KIZ: variants seen among roughly 807,000 people sequenced by gnomAD.
KIZ encodes the protein centrosomal protein kizuna.
Under a neutral mutation model 79.6 loss-of-function variants are expected in KIZ, and 68 were observed. The observed-to-expected ratio is 0.85, with a 90% confidence interval of 0.70 to 1.05. KIZ has a LOEUF of 1.05. Among genes scored for constraint, KIZ ranks in the 50% least tolerant of loss-of-function variants. The pLI, the probability that KIZ is intolerant of heterozygous loss-of-function variation, is 0.00. For synonymous variants in KIZ, 280 were observed against 281.8 expected (o/e 0.99, Z 0.06); for missense variants, 797 against 800.4 (o/e 1.00, Z 0.05).
intron 9 of KIZ, among the ~76,000 whole-genome samples, chr20:21,223,956 G>A (rs953485310): frequency 6.6e-6 from 1 of 151,930 alleles, no homozygotes; most frequent in Non-Finnish European, 1.5e-5. Context: ...GGGATTACAG[G>A]CGTGAGCCAC....
At chr20:21,216,065 G>A (rs1274993171) in intron 9 of KIZ, among the ~76,000 whole-genome samples, 1 of 152,126 alleles carries the variant, frequency 6.6e-6, no homozygotes, top group Non-Finnish European at 1.5e-5. Context: ...TGTCAGATAG[G>A]AAGCTTGCGT....
chr20:21,142,757 C>T (rs1358451532), intron 3 of KIZ, among the ~76,000 whole-genome samples: 1 of 151,322 alleles, frequency 6.6e-6, no homozygotes, highest in Non-Finnish European at 1.5e-5. Context: ...TGCCACTGCA[C>T]TCCAGCCTGG....
chr20:21,212,367 A>T (rs1340878173), intron 7 of KIZ, among the ~76,000 whole-genome samples: 2 of 152,216 alleles, frequency 1.3e-5, no homozygotes, highest in Non-Finnish European at 2.9e-5. Flanking sequence ...CAGTGGTGTG[A>T]AAGTGTTAGG....
At chr20:21,153,609 C>T (rs2033229349) in intron 4 of KIZ, among the ~76,000 whole-genome samples, 1 of 152,058 alleles carries the variant, frequency 6.6e-6, no homozygotes, top group Non-Finnish European at 1.5e-5. Context: ...TTTGCTAGGG[C>T]TGCCATAACA....
intron 9 of KIZ, among the ~76,000 whole-genome samples, chr20:21,216,491 A>G (rs1422651821): frequency 6.6e-6 from 1 of 152,190 alleles, no homozygotes; most frequent in Admixed American, 6.5e-5. Flanking sequence ...TGTTTCTGTG[A>G]TGAACTCTGG....
chr20:21,216,565 A>C (rs2036302667), intron 9 of KIZ, among the ~76,000 whole-genome samples: 1 of 152,176 alleles, frequency 6.6e-6, no homozygotes, highest in Non-Finnish European at 1.5e-5. Context: ...ATAATATTTC[A>C]CTCTAAAATG....
intron 7 of KIZ, among the ~76,000 whole-genome samples, chr20:21,208,857 T>C (rs2035949891): frequency 6.6e-6 from 1 of 152,178 alleles, no homozygotes; most frequent in Admixed American, 6.5e-5. Context: ...TAGAACTGTT[T>C]TGGTTTGCAT....
intron 11 of KIZ, among the ~76,000 whole-genome samples, chr20:21,235,833 G>A (rs576153793): frequency 6.6e-6 from 1 of 152,372 alleles, no homozygotes; most frequent in South Asian, 2.1e-4. Context: ...CCACCAGAGC[G>A]GCCAGTGGAG....
intron 12 of KIZ, 101 bp downstream of exon 12, chr20:21,244,389 G>A (rs905100813): frequency 1.1e-5 from 9 of 832,224 alleles, no homozygotes; most frequent in African/African-American, 5.1e-5. Context: ...GTCCTGAAGC[G>A]GGCATGCTCA....
At chr20:21,148,730 A>G (rs957760753) in intron 4 of KIZ, 1 of 152,224 alleles carries the variant, frequency 6.6e-6, no homozygotes, top group African/African-American at 2.4e-5. Flanking sequence ...ATGACAGTAT[A>G]CATTTGGGGA....
At chr20:21,153,338 A>G (rs2033213987) in intron 4 of KIZ, among the ~76,000 whole-genome samples, 1 of 152,168 alleles carries the variant, frequency 6.6e-6, no homozygotes, top group South Asian at 2.1e-4. Flanking sequence ...CTACCTATGA[A>G]TTGAAGAAAT....
In KIZ at chr20:21,176,467, A is replaced by T. The variant is rs2034438400; in HGVS notation, c.1352+13308A>T. Among the ~76,000 whole-genome samples, 4 of 151,612 alleles carry T rather than the reference A, an allele frequency of 2.6e-5. No homozygotes were observed. In the South Asian group the frequency reaches 6.2e-4, roughly 24 times the overall value. On this transcript the variant is annotated intron_variant, in intron 6 of 12. Coordinates refer to ENST00000619189, the MANE Select transcript of KIZ (RefSeq NM_018474.6). ...TAACTTCTAACCAGATGAACATAAA[A>T]CCTCAGCTTGAAGGCCTGTGTACCT...
intron 6 of KIZ, among the ~76,000 whole-genome samples, chr20:21,173,691 T>C (rs2034320060): frequency 6.6e-6 from 1 of 151,892 alleles, no homozygotes; most frequent in African/African-American, 2.4e-5. Context: ...GAGTGAGTTA[T>C]TTATTGAGAT....
At chr20:21,218,801 G>A (rs146147485) in intron 9 of KIZ, among the ~76,000 whole-genome samples, 128 of 152,266 alleles carry the variant, frequency 8.4e-4, no homozygotes, top group African/African-American at 3.0e-3. Context: ...ATTTCATTTT[G>A]TGGGGAGCTC....
At chr20:21,209,206 C>T (rs954750045) in intron 7 of KIZ, among the ~76,000 whole-genome samples, 4 of 152,108 alleles carry the variant, frequency 2.6e-5, no homozygotes, top group Non-Finnish European at 5.9e-5. Context: ...GATTATGTTC[C>T]CTGGAGACCA....
Position 21,153,425 on chromosome 20 carries a change from A to G in KIZ, c.405+7771A>G, listed in dbSNP as rs527667040. Among the ~76,000 whole-genome samples, 7 of 152,316 alleles carry G rather than the reference A, an allele frequency of 4.6e-5. No homozygotes were observed. In the East Asian group the frequency reaches 1.2e-3, roughly 25 times the overall value. On this transcript the variant is annotated intron_variant, in intron 4 of 12. Coordinates refer to ENST00000619189, the MANE Select transcript of KIZ (RefSeq NM_018474.6). ...AGATAATTTACAGAATACACCATTA[A>G]AGCCTAATTTAACAGATATATCTTA...
chr20:21,132,248 G>C, intron 2 of KIZ, 89 bp downstream of exon 2: 1 of 672,910 alleles, frequency 1.5e-6, no homozygotes, highest in Non-Finnish European at 2.5e-6. Context: ...AAATATTGTA[G>C]TTAGAGTACT....
At chr20:21,246,380 C>T (rs916423035) in intron 12 of KIZ, 99 bp from the exon 13 acceptor site, 1 of 735,400 alleles carries the variant, frequency 1.4e-6, no homozygotes, top group African/African-American at 1.8e-5. Flanking sequence ...ATTTTGCAGA[C>T]TGACACTCTG....
intron 4 of KIZ, among the ~76,000 whole-genome samples, chr20:21,147,327 A>G (rs1012069447): frequency 4.6e-5 from 7 of 152,260 alleles, no homozygotes; most frequent in Non-Finnish European, 1.0e-4. Context: ...TATTGGCTGT[A>G]TAAGAATCGA....
Sources: allele counts gnomAD v4.1 joint callset (sites outside exome capture counted in the v4.1 genomes callset), GRCh38; gene constraint gnomAD v4.1.1; transcripts MANE v1.5; gene names NCBI Gene and HGNC (gene_info 2026-07-23, HGNC 2026-07-21).